The following FOXJ3 variants were observed in gnomAD, a reference collection of about 807,000 sequenced individuals.
FOXJ3 encodes forkhead box protein J3.
Under a neutral mutation model 76.1 loss-of-function variants are expected in FOXJ3, and 22 were observed. The ratio of observed to expected loss-of-function variants is 0.29; its 90% CI spans 0.21 to 0.41. FOXJ3 has a LOEUF of 0.41. Among genes scored for constraint, FOXJ3 ranks in the 10% least tolerant of loss-of-function variants. The pLI, the probability that FOXJ3 is intolerant of heterozygous loss-of-function variation, is 1.00. For synonymous variants in FOXJ3, 269 were observed against 261.2 expected (o/e 1.03, Z -0.29); for missense variants, 613 against 762.1 (o/e 0.80, Z 2.30).
intron 5 of FOXJ3, among the ~76,000 whole-genome samples, chr1:42,210,393 C>A (rs1165829542): frequency 6.6e-6 from 1 of 152,080 alleles, no homozygotes; most frequent in Non-Finnish European, 1.5e-5. Flanking sequence ...CACCAGAGTA[C>A]CTTGGGTAAC....
chr1:42,201,788 C>A (rs1036747006), intron 6 of FOXJ3, among the ~76,000 whole-genome samples: 1 of 152,098 alleles, frequency 6.6e-6, no homozygotes, highest in African/African-American at 2.4e-5. Context: ...TGTTTATATA[C>A]AATCAATATT....
At chr1:42,184,770 G>A (rs1646400975) in intron 11 of FOXJ3, among the ~76,000 whole-genome samples, 1 of 152,014 alleles carries the variant, frequency 6.6e-6, no homozygotes. Flanking sequence ...GGCATCCCCT[G>A]AGCAGGTGTT....
chr1:42,239,904 A>T (rs550404408), intron 4 of FOXJ3, among the ~76,000 whole-genome samples: 1 of 152,292 alleles, frequency 6.6e-6, no homozygotes, highest in East Asian at 1.9e-4. Flanking sequence ...GGTTAGCCAA[A>T]TTACCTTTCC....
intron 1 of FOXJ3, among the ~76,000 whole-genome samples, chr1:42,320,331 T>C (rs765730265): frequency 4.6e-5 from 7 of 152,156 alleles, no homozygotes; most frequent in Non-Finnish European, 1.0e-4. Flanking sequence ...AACTAAATCA[T>C]AACCCAAGCA....
chr1:42,193,843 T>G (rs1646598441), intron 8 of FOXJ3, among the ~76,000 whole-genome samples: 1 of 152,144 alleles, frequency 6.6e-6, no homozygotes, highest in South Asian at 2.1e-4. Context: ...GTGATGGTAT[T>G]AAGAAGTGGG....
rs1224443174 is a variant in FOXJ3 at position 42,179,822 on chromosome 1, T to C, written c.1757A>G (p.His586Arg). The change falls in exon 13 of 13, where the codon CAT (histidine) becomes CGT (arginine). Residue 586 changes from histidine (H) to arginine (R), a missense_variant. His to Arg is a conservative substitution (Grantham distance 29, BLOSUM62 0). Coordinates refer to ENST00000361346, the MANE Select transcript of FOXJ3 (RefSeq NM_014947.5). The stretch of plus-strand genomic sequence containing the variant: ...GTGCTGCTGGTTCATGGCTCTGTGA[T>C]GGCCTGGAAGGAAAGAGGCAATAAT... Reference protein sequence around the residue: ...LSTPGTTMAGHHRAMNQQHMM... With the variant: ...LSTPGTTMAGRHRAMNQQHMM... 4 of 1,611,300 alleles carry C rather than the reference T, an allele frequency of 2.5e-6. No individual in the cohort carries two copies. In the South Asian group the frequency reaches 4.4e-5, roughly 18 times the overall value.
chr1:42,184,064 G>A (rs191244934), intron 11 of FOXJ3, among the ~76,000 whole-genome samples: 16 of 152,206 alleles, frequency 1.1e-4, no homozygotes, highest in African/African-American at 2.4e-4. Flanking sequence ...ATACTGGTAC[G>A]AGTGACGTGG....
At chr1:42,290,212 T>A (rs77895671) in intron 2 of FOXJ3, among the ~76,000 whole-genome samples, 10 of 152,064 alleles carry the variant, frequency 6.6e-5, no homozygotes, top group Non-Finnish European at 1.2e-4. Flanking sequence ...AGTCAATTCA[T>A]TGGAGGAATT....
intron 3 of FOXJ3, among the ~76,000 whole-genome samples, chr1:42,267,644 C>T (rs1461904015): frequency 6.6e-6 from 1 of 151,604 alleles, no homozygotes; most frequent in Non-Finnish European, 1.5e-5. Flanking sequence ...AGAGAAGACT[C>T]AGGTGTTAGA....
chr1:42,255,745 G>A (rs897874795), intron 4 of FOXJ3, among the ~76,000 whole-genome samples: 8 of 152,192 alleles, frequency 5.3e-5, no homozygotes, highest in South Asian at 2.1e-4. Flanking sequence ...ATTAAGTGCC[G>A]GATGTGGTGG....
intron 3 of FOXJ3, among the ~76,000 whole-genome samples, chr1:42,277,313 G>A (rs1018464196): frequency 1.3e-5 from 2 of 151,380 alleles, no homozygotes; most frequent in South Asian, 2.1e-4. Flanking sequence ...CCATGGTGGC[G>A]TGCTCAGGCA....
intron 4 of FOXJ3, among the ~76,000 whole-genome samples, chr1:42,231,481 T>A (rs888844150): frequency 5.9e-5 from 9 of 152,304 alleles, no homozygotes; most frequent in Admixed American, 3.3e-4. Flanking sequence ...GGGAAGGGAA[T>A]GTAGGTACTT....
At chr1:42,200,787 A>G (rs1166059788) in intron 6 of FOXJ3, among the ~76,000 whole-genome samples, 3 of 152,022 alleles carry the variant, frequency 2.0e-5, no homozygotes, top group Non-Finnish European at 4.4e-5. Flanking sequence ...CTGGCCTTCA[A>G]TATTTCCTTT....
intron 5 of FOXJ3, among the ~76,000 whole-genome samples, chr1:42,213,281 G>C (rs1647002713): frequency 6.6e-6 from 1 of 151,990 alleles, no homozygotes; most frequent in Non-Finnish European, 1.5e-5. Context: ...GATATACACT[G>C]GCTGAATGGA....
At chr1:42,193,029 A>G (rs1317286281) in intron 8 of FOXJ3, among the ~76,000 whole-genome samples, 1 of 152,188 alleles carries the variant, frequency 6.6e-6, no homozygotes, top group East Asian at 1.9e-4. Flanking sequence ...AAATCCTAGC[A>G]TTTTACAAGG....
At chr1:42,236,402 C>T (rs1254718529) in intron 4 of FOXJ3, among the ~76,000 whole-genome samples, 1 of 152,122 alleles carries the variant, frequency 6.6e-6, no homozygotes, top group Non-Finnish European at 1.5e-5. Context: ...TGCTACGTTG[C>T]CCAAGCTCAT....
At chr1:42,231,834 GGGACAT>G (rs1301868546) in intron 4 of FOXJ3, among the ~76,000 whole-genome samples, 1 of 152,062 alleles carries the variant, frequency 6.6e-6, no homozygotes, top group Admixed American at 6.5e-5. Context: ...TAAGTTTTAG[GGGACAT>G]GTGCACAACG....
intron 2 of FOXJ3, among the ~76,000 whole-genome samples, chr1:42,282,362 C>G (rs1652777153): frequency 6.6e-6 from 1 of 152,122 alleles, no homozygotes; most frequent in Non-Finnish European, 1.5e-5. Context: ...TGTCATTATG[C>G]CTAAACACTT....
intron 5 of FOXJ3, among the ~76,000 whole-genome samples, chr1:42,226,250 G>T (rs1448734703): frequency 6.6e-6 from 1 of 151,648 alleles, no homozygotes; most frequent in Admixed American, 6.6e-5. Context: ...AAAGGCAAGA[G>T]AGCAGAAACT....
Sources: allele counts gnomAD v4.1 joint callset (sites outside exome capture counted in the v4.1 genomes callset), GRCh38; gene constraint gnomAD v4.1.1; transcripts MANE v1.5; gene names NCBI Gene and HGNC (gene_info 2026-07-23, HGNC 2026-07-21).